Variants in UBAP1 observed in about 807,000 individuals in gnomAD.
UBAP1 encodes ubiquitin-associated protein 1.
UBAP1 carries 5 observed loss-of-function variants against 39.0 expected under a neutral mutation model. The ratio of observed to expected loss-of-function variants is 0.13; its 90% CI spans 0.07 to 0.27. The LOEUF is 0.27. Among genes scored for constraint, UBAP1 ranks in the 10% least tolerant of loss-of-function variants. The pLI is 1.00. For synonymous variants in UBAP1, 211 were observed against 225.1 expected (o/e 0.94, Z 0.56); for missense variants, 490 against 608.1 (o/e 0.81, Z 2.04).
chr9:34,242,677 AC>A (rs1366155055), intron 4 of UBAP1, among the ~76,000 whole-genome samples: 1 of 151,962 alleles, frequency 6.6e-6, no homozygotes, highest in Non-Finnish European at 1.5e-5. Flanking sequence ...GGCATATGCC[AC>A]CACACTCAGC....
chr9:34,228,528 G>A (rs1390105227), intron 2 of UBAP1, among the ~76,000 whole-genome samples: 4 of 151,188 alleles, frequency 2.6e-5, no homozygotes, highest in African/African-American at 4.9e-5. Context: ...TAGTACTTAC[G>A]GTGGTCTCTA....
intron 2 of UBAP1, among the ~76,000 whole-genome samples, chr9:34,228,578 C>A (rs998132546): frequency 4.1e-5 from 6 of 146,212 alleles, no homozygotes; most frequent in Admixed American, 3.4e-4. Flanking sequence ...TTCCCCCCCC[C>A]CCTTTTTTTT....
At chr9:34,208,644 G>A (rs561193336) in intron 1 of UBAP1, among the ~76,000 whole-genome samples, 1 of 151,956 alleles carries the variant, frequency 6.6e-6, no homozygotes, top group South Asian at 2.1e-4. Flanking sequence ...CGGACGTGGT[G>A]GCGGGCGCCT....
At chr9:34,190,857 A>G (rs1204232845) in intron 1 of UBAP1, among the ~76,000 whole-genome samples, 2 of 146,224 alleles carry the variant, frequency 1.4e-5, no homozygotes, top group Non-Finnish European at 3.0e-5. Context: ...CATGTTGCAC[A>G]GGCTGGTCTC....
intron 1 of UBAP1, among the ~76,000 whole-genome samples, chr9:34,182,616 C>CTTTTCT (rs1457068438): frequency 1.8e-5 from 2 of 110,708 alleles, no homozygotes; most frequent in Non-Finnish European, 3.7e-5. Context: ...TCTTTCTTTC[C>CTTTTCT]TTCTTTCTTT....
At chr9:34,224,023 C>T in intron 2 of UBAP1, 1 of 506,288 alleles carries the variant, frequency 2.0e-6, no homozygotes, top group Non-Finnish European at 3.6e-6. Context: ...TAAGATAGAA[C>T]TCCAACTCCT....
At chr9:34,239,761 A>T (rs915456706) in intron 3 of UBAP1, among the ~76,000 whole-genome samples, 1 of 152,176 alleles carries the variant, frequency 6.6e-6, no homozygotes, top group Non-Finnish European at 1.5e-5. Flanking sequence ...AGGTTGTTAG[A>T]AGAGTTAAAT....
intron 1 of UBAP1, among the ~76,000 whole-genome samples, chr9:34,193,809 C>T (rs958817096): frequency 2.0e-5 from 3 of 152,120 alleles, no homozygotes; most frequent in Non-Finnish European, 2.9e-5. Flanking sequence ...TTCTCTGAAC[C>T]CAGTCCTCTT....
intron 2 of UBAP1, among the ~76,000 whole-genome samples, chr9:34,232,098 A>G (rs1833453462): frequency 6.7e-6 from 1 of 149,584 alleles, no homozygotes; most frequent in Admixed American, 6.6e-5. Context: ...AGGTTCAAGC[A>G]GTTCTCCTGC....
At chr9:34,224,516 A>T (rs756492536) in intron 2 of UBAP1, 1 of 402,568 alleles carries the variant, frequency 2.5e-6, no homozygotes, top group African/African-American at 2.1e-5. Flanking sequence ...GCAGGGGCCA[A>T]TGTTGGTGTT....
intron 4 of UBAP1, among the ~76,000 whole-genome samples, chr9:34,248,684 T>G (rs2131633668): frequency 6.6e-6 from 1 of 152,332 alleles, no homozygotes; most frequent in Non-Finnish European, 1.5e-5. Flanking sequence ...ACCAACAGAA[T>G]GGGCTCTGAG....
At chr9:34,190,621 CT>C (rs1052577172) in intron 1 of UBAP1, among the ~76,000 whole-genome samples, 9 of 148,106 alleles carry the variant, frequency 6.1e-5, no homozygotes, top group Non-Finnish European at 1.3e-4. Context: ...ATCTTTTTTC[CT>C]TTCTTTCTTT....
At chr9:34,191,404 A>G (rs1830712638) in intron 1 of UBAP1, among the ~76,000 whole-genome samples, 1 of 152,130 alleles carries the variant, frequency 6.6e-6, no homozygotes, top group Non-Finnish European at 1.5e-5. Context: ...GCCTGTGTAA[A>G]CTTTAAAATA....
chr9:34,231,176 T>TGTGTGTGTGTGTG (rs74180554), intron 2 of UBAP1, among the ~76,000 whole-genome samples: 12 of 135,152 alleles, frequency 8.9e-5, no homozygotes, highest in African/African-American at 2.9e-4. Flanking sequence ...TGTGTGTGTG[T>TGTGTGTGTGTGTG]TGGGGTCGGG....
At chr9:34,250,787 C>A in intron 6 of UBAP1, 28 bp downstream of exon 6, 1 of 1,592,498 alleles carries the variant, frequency 6.3e-7, no homozygotes, top group South Asian at 1.1e-5. Flanking sequence ...TCTTGGGAAC[C>A]CTCTGGAAAA....
intron 2 of UBAP1, among the ~76,000 whole-genome samples, chr9:34,228,574 C>T (rs899629301): frequency 1.4e-5 from 2 of 146,324 alleles, no homozygotes; most frequent in African/African-American, 2.5e-5. Context: ...TTGTTTCCCC[C>T]CCCCCCTTTT....
rs755412077 is a variant in UBAP1 at position 34,242,006 on chromosome 9, C to T, written c.981C>T (p.Asp327=). The part of the protein sequence containing the change: ...HTLGLSALNL[D]SGTEMPALTS... ...TTGGGCTTTCAGCTTTGAACTTGGA[C>T]AGTGGCACAGAGATGCCAGCCCTGA... The change falls in exon 4 of 7, where the codon GAC becomes GAT. Residue 327 remains aspartate, a synonymous_variant. Transcript: ENST00000297661. The T allele has an allele frequency of 4.3e-6, 7 of 1,614,092 alleles. No individual in the cohort carries two copies. In the African/African-American group the frequency reaches 8.0e-5, roughly 18 times the overall value.
intron 5 of UBAP1, among the ~76,000 whole-genome samples, chr9:34,250,397 A>G (rs1834416852): frequency 6.6e-6 from 1 of 152,168 alleles, no homozygotes; most frequent in Admixed American, 6.5e-5. Flanking sequence ...GGAGTTGACC[A>G]TTCTGGTGGG....
intron 1 of UBAP1, among the ~76,000 whole-genome samples, chr9:34,202,226 A>G (rs1199075216): frequency 6.6e-6 from 1 of 152,026 alleles, no homozygotes; most frequent in African/African-American, 2.4e-5. Flanking sequence ...GTGCAGTGGC[A>G]CCATCTTGGG....
Sources: allele counts gnomAD v4.1 joint callset (sites outside exome capture counted in the v4.1 genomes callset), GRCh38; gene constraint gnomAD v4.1.1; transcripts MANE v1.5; gene names NCBI Gene and HGNC (gene_info 2026-07-23, HGNC 2026-07-21).